The following TEK variants were observed in gnomAD, a reference collection of about 807,000 sequenced individuals.
TEK encodes angiopoietin-1 receptor.
A neutral mutation model predicts 131.8 loss-of-function variants in TEK; 43 were observed. The observed-to-expected ratio is 0.33, with a 90% CI of 0.26 to 0.42. TEK has a LOEUF of 0.42. Among genes scored for constraint, TEK ranks in the 10% least tolerant of loss-of-function variants. The pLI, the probability that TEK is intolerant of heterozygous loss-of-function variation, is 1.00. For synonymous variants in TEK, 580 were observed against 491.6 expected, an observed-to-expected ratio of 1.18 and a Z score of -2.38; for missense variants, 1,162 against 1,384.4, an observed-to-expected ratio of 0.84 and a Z score of 2.55.
At chr9:27,166,849 G>A (rs535081685) in intron 2 of TEK, among the ~76,000 whole-genome samples, 133 of 152,264 alleles carry the variant, frequency 8.7e-4, no homozygotes, top group Non-Finnish European at 1.6e-3. Context: ...TTGGCATAAT[G>A]TCTGCCACCT....
chr9:27,216,342 G>A (rs1240927164), intron 18 of TEK, among the ~76,000 whole-genome samples: 1 of 152,052 alleles, frequency 6.6e-6, no homozygotes, highest in African/African-American at 2.4e-5. Context: ...AGGTGATACA[G>A]TAGACAGAAG....
chr9:27,112,548 G>C lies in TEK; in HGVS notation c.52+2906G>C, dbSNP rs924964458. ...CTAGTTCTTCCAAGGCGTCTCTCCA[G>C]GAGGGAAGGAGTCTTCTAAGTTCAT... On this transcript the variant is annotated intron_variant, in intron 1 of 22. Transcript: ENST00000380036. 2.8e-4 allele frequency among the ~76,000 whole-genome samples: 43 copies of C among 152,316 alleles called. 1 individual carries two copies. In the Middle Eastern group the frequency reaches 0.01, roughly 36 times the overall value.
chr9:27,139,447 C>G (rs575525114), intron 1 of TEK, among the ~76,000 whole-genome samples: 33 of 149,144 alleles, frequency 2.2e-4, no homozygotes, highest in South Asian at 1.1e-3. Flanking sequence ...GCCTCAGCCT[C>G]CCGAGTAGCT....
At chr9:27,132,373 A>C (rs1429353742) in intron 1 of TEK, among the ~76,000 whole-genome samples, 4 of 152,218 alleles carry the variant, frequency 2.6e-5, no homozygotes, top group African/African-American at 9.6e-5. Context: ...TTCTTAAATC[A>C]GTACCAATTA....
At position 27,142,877 on chromosome 9, in the gene TEK, TA is replaced by T. The variant is rs577379466; in HGVS notation, c.53-14949del. Reference sequence around the variant, plus strand: ...TCATATGGTGGTTGTGAGAACTCATTAAAAACAATGCACGTTAAAGTAACTA... The same window carrying T: ...TCATATGGTGGTTGTGAGAACTCATTAAAACAATGCACGTTAAAGTAACTA... On this transcript the variant is annotated intron_variant, in intron 1 of 22. Transcript: ENST00000380036. 6.1e-4 allele frequency among the ~76,000 whole-genome samples: 93 copies of T among 152,332 alleles called. No individual in the cohort carries two copies. In the Middle Eastern group the frequency reaches 0.02, roughly 33 times the overall value.
intron 4 of TEK, among the ~76,000 whole-genome samples, chr9:27,172,062 CACA>C (rs1239411035): frequency 2.0e-5 from 3 of 152,192 alleles, no homozygotes; most frequent in African/African-American, 7.2e-5. Flanking sequence ...TCTCACTGAA[CACA>C]ACACTTCTGA....
intron 19 of TEK, 100 bp downstream of exon 19, chr9:27,217,858 C>T (rs372044562): frequency 1.3e-4 from 127 of 1,013,276 alleles, no homozygotes; most frequent in East Asian, 1.1e-3. Flanking sequence ...CTGTAGCTCT[C>T]GGGAACAAAG....
chr9:27,205,133 G>T, intron 14 of TEK, 68 bp downstream of exon 14: 1 of 1,589,200 alleles, frequency 6.3e-7, no homozygotes, highest in Non-Finnish European at 8.6e-7. Flanking sequence ...TCACTTTAAA[G>T]ATATGGACCA....
At chr9:27,171,799 G>T (rs1465875187) in intron 4 of TEK, among the ~76,000 whole-genome samples, 3 of 152,156 alleles carry the variant, frequency 2.0e-5, no homozygotes, top group African/African-American at 7.2e-5. Context: ...ACCTTTACAT[G>T]AAGTTTCTGT....
intron 21 of TEK, among the ~76,000 whole-genome samples, chr9:27,224,233 A>C (rs567251897): frequency 9.4e-5 from 14 of 149,284 alleles, no homozygotes; most frequent in Admixed American, 3.3e-4. Flanking sequence ...ACAATAGAAA[A>C]AGAGGGATCT....
At chr9:27,192,649 T>C in intron 11 of TEK, 26 bp downstream of exon 11, 1 of 1,609,622 alleles carries the variant, frequency 6.2e-7, no homozygotes. Context: ...CAGGCATTTA[T>C]TCATGAGCTG....
chr9:27,183,577 G>T lies in TEK; in HGVS notation c.1149G>T (p.Met383Ile). Residue 383 changes from methionine to isoleucine, a missense_variant, in exon 8 of 23, where the codon ATG becomes ATT. This residue lies in a region of TEK where 436 missense variants were observed against 539.1 expected (regional missense o/e 0.81). Transcript: ENST00000380036. ...SGWPLPTNEE[M>I]TLVKPDGTVL... ...GGCCGCTACCTACTAATGAAGAAAT[G>T]ACCCTGGTGAAGCCGGATGGGACAG... is the stretch of plus-strand genomic sequence containing the variant. 5.0e-6 allele frequency: 8 copies of T among 1,613,908 alleles called. No individual in the cohort carries two copies. The highest frequency in any genetic ancestry group is 6.8e-6 in the Non-Finnish European group (8 of 1,179,844).
Position 27,213,566 on chromosome 9 carries a change from G to A in TEK, c.2960G>A (p.Arg987Gln). 6.2e-7 allele frequency: 1 copy of A among 1,613,774 alleles called. No individual in the cohort carries two copies. The highest frequency in any genetic ancestry group is 8.5e-7 in the Non-Finnish European group (1 of 1,179,764). The stretch of plus-strand genomic sequence containing the variant: ...AAAATAGCAGATTTTGGATTGTCCC[G>A]AGGTCAAGAGGTGTATGTGAAAAAG... ...VAKIADFGLSRGQEVYVKKTM... is the reference protein window; with the variant it reads ...VAKIADFGLSQGQEVYVKKTM... Residue 987 changes from arginine to glutamine, a missense_variant, in exon 18 of 23, where the codon CGA becomes CAA. Coordinates refer to ENST00000380036, the MANE Select transcript of TEK (RefSeq NM_000459.5).
At chr9:27,208,059 A>G (rs1049933241) in intron 15 of TEK, among the ~76,000 whole-genome samples, 5 of 152,128 alleles carry the variant, frequency 3.3e-5, no homozygotes, top group Non-Finnish European at 7.4e-5. Flanking sequence ...CCTTGTGCCC[A>G]TGTGAAGAGG....
At chr9:27,214,094 C>T (rs747878077) in intron 18 of TEK, among the ~76,000 whole-genome samples, 8 of 152,214 alleles carry the variant, frequency 5.3e-5, no homozygotes, top group Admixed American at 2.0e-4. Context: ...GGTCACTATT[C>T]AAACCCAAAT....
intron 1 of TEK, among the ~76,000 whole-genome samples, chr9:27,137,866 G>A (rs1822545076): frequency 6.6e-6 from 1 of 152,230 alleles, no homozygotes; most frequent in Admixed American, 6.5e-5. Flanking sequence ...ATTCATTCCG[G>A]TGGGTTCTTG....
chr9:27,189,697 C>CAG (rs753453708), intron 9 of TEK, among the ~76,000 whole-genome samples: 1 of 152,122 alleles, frequency 6.6e-6, no homozygotes, highest in Non-Finnish European at 1.5e-5. Flanking sequence ...GGAATGCAGG[C>CAG]AGTCTCTAGA....
At chr9:27,211,518 T>C (rs1825631951) in intron 16 of TEK, among the ~76,000 whole-genome samples, 1 of 133,712 alleles carries the variant, frequency 7.5e-6, no homozygotes, top group Middle Eastern at 5.3e-3. Flanking sequence ...AGTAGCACGA[T>C]GTCAGCCCAC....
At chr9:27,125,131 G>A (rs1431631791) in intron 1 of TEK, among the ~76,000 whole-genome samples, 3 of 152,202 alleles carry the variant, frequency 2.0e-5, no homozygotes, top group African/African-American at 7.2e-5. Flanking sequence ...AGTCAGCAGT[G>A]CTTTTCACAC....
Sources: allele counts gnomAD v4.1 joint callset (sites outside exome capture counted in the v4.1 genomes callset), GRCh38; gene constraint gnomAD v4.1.1; regional missense constraint gnomAD v4.1.1; transcripts MANE v1.5; gene names NCBI Gene and HGNC (gene_info 2026-07-23, HGNC 2026-07-21).